Variants in CYP4F22 observed in about 807,000 individuals in gnomAD.
CYP4F22 encodes the protein ultra-long-chain fatty acid omega-hydroxylase.
Under a neutral mutation model 60.4 loss-of-function variants are expected in CYP4F22, and 37 were observed. That is an observed-to-expected ratio of 0.61 (90% CI 0.47 to 0.81). CYP4F22 has a LOEUF of 0.81. CYP4F22 is among the 30% of genes least tolerant of loss of function. The pLI, the probability that CYP4F22 is intolerant of heterozygous loss-of-function variation, is 0.00. For synonymous variants in CYP4F22, 258 were observed against 280.5 expected, an observed-to-expected ratio of 0.92 and a Z score of 0.80; for missense variants, 655 against 715.0, an observed-to-expected ratio of 0.92 and a Z score of 0.96.
At chr19:15,518,221 C>A (rs1971177132) in intron 1 of CYP4F22, among the ~76,000 whole-genome samples, 1 of 151,974 alleles carries the variant, frequency 6.6e-6, no homozygotes, top group African/African-American at 2.4e-5. Flanking sequence ...CCTGTAGTCC[C>A]AGCTACTGGG....
chr19:15,529,019 C>CT (rs1971312295), intron 3 of CYP4F22, among the ~76,000 whole-genome samples: 1 of 152,160 alleles, frequency 6.6e-6, no homozygotes, highest in African/African-American at 2.4e-5. Context: ...TCATAGCTCA[C>CT]TGCAGCCTTG....
intron 4 of CYP4F22, among the ~76,000 whole-genome samples, chr19:15,532,856 G>T (rs1034851261): frequency 2.0e-5 from 3 of 152,130 alleles, no homozygotes; most frequent in African/African-American, 7.2e-5. Context: ...GGAGGGAGGG[G>T]ATATTCTGTG....
chr19:15,527,644 C>T (rs1237561446), intron 3 of CYP4F22, among the ~76,000 whole-genome samples: 2 of 152,200 alleles, frequency 1.3e-5, no homozygotes, highest in Non-Finnish European at 2.9e-5. Context: ...CTGGGTGAGG[C>T]TGCAATTGAG....
chr19:15,518,020 A>C (rs1971175025), intron 1 of CYP4F22, among the ~76,000 whole-genome samples: 1 of 152,128 alleles, frequency 6.6e-6, no homozygotes, highest in Non-Finnish European at 1.5e-5. Context: ...TAAGCCATGT[A>C]GGTTGTTGTG....
chr19:15,517,354 C>T (rs970963502), intron 1 of CYP4F22, among the ~76,000 whole-genome samples: 5 of 152,196 alleles, frequency 3.3e-5, no homozygotes, highest in Admixed American at 1.3e-4. Flanking sequence ...CAACTGGGGA[C>T]TCACAACATG....
intron 1 of CYP4F22, among the ~76,000 whole-genome samples, chr19:15,518,688 G>GAAAAAAAA (rs112651893): frequency 1.2e-5 from 1 of 83,588 alleles, no homozygotes; most frequent in Non-Finnish European, 2.6e-5. Context: ...ACAAAACACA[G>GAAAAAAAA]AAAAAAAAAA....
At chr19:15,547,697 C>T (rs1480062581) in intron 10 of CYP4F22, among the ~76,000 whole-genome samples, 1 of 151,772 alleles carries the variant, frequency 6.6e-6, no homozygotes, top group East Asian at 1.9e-4. Context: ...GGTGCGCATG[C>T]CTGTAATCCC....
chr19:15,522,822 T>C (rs1458208658), intron 1 of CYP4F22, among the ~76,000 whole-genome samples: 4 of 152,140 alleles, frequency 2.6e-5, no homozygotes, highest in African/African-American at 9.7e-5. Context: ...GCTATTCTCC[T>C]GCCTCAGCCT....
intron 8 of CYP4F22, among the ~76,000 whole-genome samples, chr19:15,540,968 C>T (rs958459511): frequency 1.1e-4 from 17 of 152,294 alleles, no homozygotes; most frequent in Admixed American, 5.2e-4. Flanking sequence ...ATGGTCCCAG[C>T]TACTTGGGAG....
intron 11 of CYP4F22, 74 bp downstream of exon 11, chr19:15,548,315 T>A: frequency 6.3e-7 from 1 of 1,591,014 alleles, no homozygotes; most frequent in Non-Finnish European, 8.6e-7. Flanking sequence ...CACAGGGGCC[T>A]GGCTATGCCT....
In CYP4F22 at chr19:15,538,162, T is replaced by C. The variant is rs1338987688; in HGVS notation, c.671+169T>C. ...CCATCTCTCTGAGCTTCACTTTTTTTTTTAATCAAAAAAATGGGCATCATA... is the reference window on the plus strand; with the variant it reads ...CCATCTCTCTGAGCTTCACTTTTTTCTTTAATCAAAAAAATGGGCATCATA... On this transcript the variant is annotated intron_variant, in intron 7 of 13. Coordinates refer to ENST00000269703, the MANE Select transcript of CYP4F22 (RefSeq NM_173483.4). Among the ~76,000 whole-genome samples the C allele has an allele frequency of 2.0e-5, 3 of 152,250 alleles. No individual in the cohort carries two copies. In the East Asian group the frequency reaches 5.8e-4, roughly 29 times the overall value.
At chr19:15,526,621 C>G (rs1971285808) in intron 3 of CYP4F22, among the ~76,000 whole-genome samples, 1 of 152,172 alleles carries the variant, frequency 6.6e-6, no homozygotes, top group East Asian at 1.9e-4. Flanking sequence ...GGTCACACAG[C>G]TTGTAAGTGG....
At chr19:15,529,133 A>ATT (rs60549680) in intron 3 of CYP4F22, among the ~76,000 whole-genome samples, 45,784 of 99,912 alleles carry the variant, frequency 0.46, 7,789 homozygotes, top group East Asian at 0.67. Context: ...ATTTTATTTT[A>ATT]TTTTTTTTTT....
chr19:15,549,267 GC>G, intron 12 of CYP4F22, 65 bp downstream of exon 12: 1 of 1,565,640 alleles, frequency 6.4e-7, no homozygotes, highest in Non-Finnish European at 8.8e-7. Flanking sequence ...CAGGGAGCCA[GC>G]GAGCAGGGCT....
At chr19:15,549,116 C>T in intron 11 of CYP4F22, 22 bp from the exon 12 acceptor site, 1 of 1,613,958 alleles carries the variant, frequency 6.2e-7, no homozygotes, top group Non-Finnish European at 8.5e-7. Flanking sequence ...CTTGGCCCCA[C>T]TGATCCCATC....
At chr19:15,522,465 A>C (rs2144508746) in intron 1 of CYP4F22, among the ~76,000 whole-genome samples, 1 of 152,016 alleles carries the variant, frequency 6.6e-6, no homozygotes, top group Middle Eastern at 3.4e-3. Context: ...GCTTGAGCCT[A>C]GGAATTTGAG....
Position 15,509,904 on chromosome 19 carries a change from C to CTTTCCTTCCTTCTTTCTTTCTTT in CYP4F22, c.-109+1321_-109+1322insTTTCCTTCCTTCTTTCTTTCTTT, listed in dbSNP as rs1555725971. Reference sequence around the variant, plus strand: ...TCCTTCCTTCCTTCCTTCCTTCCTTCCTTTCTTTCTTTCCTTCCTTCTTTC... The same window carrying CTTTCCTTCCTTCTTTCTTTCTTT: ...TCCTTCCTTCCTTCCTTCCTTCCTTCTTTCCTTCCTTCTTTCTTTCTTTCTTTCTTTCTTTCCTTCCTTCTTTC... On this transcript the variant is annotated intron_variant, in intron 1 of 13. Transcript: ENST00000269703. Among the ~76,000 whole-genome samples, 103 of 86,770 alleles carry CTTTCCTTCCTTCTTTCTTTCTTT rather than the reference C, an allele frequency of 1.2e-3. 1 individual carries two copies. The highest frequency in any genetic ancestry group is 2.1e-3 in the Non-Finnish European group (82 of 39,988). 56.9% of individuals were successfully genotyped at this position (86,770 alleles called of 152,430 possible). A position where few individuals can be genotyped will look rare whatever the true frequency, so the allele number is the denominator to read the frequency against.
At chr19:15,533,114 C>T (rs1971361145) in intron 4 of CYP4F22, among the ~76,000 whole-genome samples, 1 of 152,196 alleles carries the variant, frequency 6.6e-6, no homozygotes, top group African/African-American at 2.4e-5. Context: ...GTTGGAGCTT[C>T]AGTTTCCCCA....
rs994829801 is a variant in CYP4F22 at position 15,525,218 on chromosome 19, C to G, written c.-1-118C>G. On this transcript the variant is annotated intron_variant, in intron 2 of 13. Coordinates refer to ENST00000269703, the MANE Select transcript of CYP4F22 (RefSeq NM_173483.4). ...CATGGCTGGGGGATGAAGAGGTATC[C>G]TTGGTGTCTGGAACTCACGTGTGCT... 12 of 955,676 alleles carry G rather than the reference C, an allele frequency of 1.3e-5. No individual in the cohort carries two copies. The South Asian group carries it at 1.4e-4, about 11-fold the overall frequency. 59.2% of individuals were successfully genotyped at this position (955,676 alleles called of 1,614,324 possible).
Sources: gnomAD v4.1 joint callset for allele counts (sites outside exome capture counted in the v4.1 genomes callset) on GRCh38, gnomAD v4.1.1 for gene constraint, MANE v1.5 for transcripts, NCBI Gene and HGNC (gene_info 2026-07-23, HGNC 2026-07-21) for gene names.